The following ARHGAP39 variants were observed in gnomAD, a reference collection of about 807,000 sequenced individuals.
The protein encoded by ARHGAP39 is rho GTPase-activating protein 39.
A neutral mutation model predicts 106.9 loss-of-function variants in ARHGAP39; 44 were observed. That is an observed-to-expected ratio of 0.41 (90% confidence interval 0.32 to 0.53). The LOEUF (loss-of-function observed/expected upper bound fraction) is 0.53, where lower values mean the gene tolerates loss of function less well. Ranked by LOEUF, ARHGAP39 falls within the 20% of genes least tolerant of loss-of-function variation. ARHGAP39 has a pLI of 0.21. For missense variants in ARHGAP39, 1,496 were observed against 1,577.3 expected, an observed-to-expected ratio of 0.95 and a Z score of 0.87; for synonymous variants, 768 against 693.2, an observed-to-expected ratio of 1.11 and a Z score of -1.69.
intron 2 of ARHGAP39, among the ~76,000 whole-genome samples, chr8:144,590,650 G>A (rs1027426484): frequency 1.1e-4 from 17 of 152,168 alleles, no homozygotes; most frequent in Admixed American, 1.0e-3. Flanking sequence ...TGACACGAGT[G>A]ACTGCAAGGC....
At chr8:144,648,073 G>A (rs1355716595) in intron 1 of ARHGAP39, among the ~76,000 whole-genome samples, 1 of 152,184 alleles carries the variant, frequency 6.6e-6, no homozygotes, top group Non-Finnish European at 1.5e-5. Flanking sequence ...GGTTGGGCTG[G>A]AAAAGGGGAT....
intron 2 of ARHGAP39, among the ~76,000 whole-genome samples, chr8:144,594,748 G>C (rs1274809470): frequency 6.6e-6 from 1 of 151,616 alleles, no homozygotes; most frequent in Non-Finnish European, 1.5e-5. Flanking sequence ...CAGGTGTGGT[G>C]GTGGCAAACA....
intron 1 of ARHGAP39, among the ~76,000 whole-genome samples, chr8:144,627,338 G>C (rs1264005290): frequency 6.6e-6 from 1 of 152,102 alleles, no homozygotes; most frequent in Non-Finnish European, 1.5e-5. Flanking sequence ...GGTGGATCAC[G>C]AGGTCAGATC....
Position 144,559,225 on chromosome 8 carries a change from A to C in ARHGAP39, c.513-3582T>G, listed in dbSNP as rs1818053726. On this transcript the variant is annotated intron_variant, in intron 3 of 11. Coordinates refer to ENST00000377307, the MANE Select transcript of ARHGAP39 (RefSeq NM_025251.3). ...TCTGTCTCAAAACAAAAAACAAAAA[A>C]ACAAAAACTAGCCGGAAGGGTGACA... is the stretch of plus-strand genomic sequence containing the variant. Among the ~76,000 whole-genome samples the C allele has an allele frequency of 4.6e-5, 7 of 151,744 alleles. No homozygotes were observed. The South Asian group carries it at 1.5e-3, about 32-fold the overall frequency.
chr8:144,583,251 G>A (rs965517564), intron 2 of ARHGAP39, among the ~76,000 whole-genome samples: 1 of 152,156 alleles, frequency 6.6e-6, no homozygotes, highest in Non-Finnish European at 1.5e-5. Flanking sequence ...TGATACCACT[G>A]ATCATGTTCT....
chr8:144,535,818 C>G (rs902831202), intron 7 of ARHGAP39, among the ~76,000 whole-genome samples: 18 of 150,948 alleles, frequency 1.2e-4, no homozygotes, highest in African/African-American at 4.5e-4. Flanking sequence ...AATGCAGTCT[C>G]TCTGTGCCTC....
In ARHGAP39 at chr8:144,533,155, G is replaced by A. The variant is rs775559165; in HGVS notation, c.2859C>T (p.Leu953=). The A allele has an allele frequency of 6.2e-7, 1 of 1,608,698 alleles. No individual in the cohort carries two copies. Among genetic ancestry groups the A allele is most frequent in the East Asian group, 2.2e-5 (1 of 44,850 alleles). The change falls in exon 9 of 12, where the codon CTC becomes CTT. Residue 953 remains leucine, a synonymous_variant. Coordinates refer to ENST00000377307, the MANE Select transcript of ARHGAP39 (RefSeq NM_025251.3). The part of the protein sequence containing the change: ...QTRLSEEVLA[L]NGDQTEGIFR... ...AGATGCCCTCTGTCTGGTCACCGTT[G>A]AGCGCCAGCACCTCCTCAGAGAGCC...
intron 1 of ARHGAP39, among the ~76,000 whole-genome samples, chr8:144,672,876 G>A (rs373271150): frequency 1.3e-5 from 2 of 152,182 alleles, no homozygotes; most frequent in South Asian, 4.1e-4. Context: ...TTTAACTCAA[G>A]TCTTCTGCAC....
intron 3 of ARHGAP39, among the ~76,000 whole-genome samples, chr8:144,565,935 A>G (rs1230757342): frequency 6.6e-6 from 1 of 150,930 alleles, no homozygotes; most frequent in Admixed American, 6.6e-5. Context: ...CTACAAAAAA[A>G]AAAAAAAAAG....
Position 144,530,360 on chromosome 8 carries a change from G to T in ARHGAP39, c.*62C>A, listed in dbSNP as rs1035431875. 1.9e-5 allele frequency: 28 copies of T among 1,499,982 alleles called. No homozygotes were observed. Among genetic ancestry groups the T allele is most frequent in the East Asian group, 4.9e-5 (2 of 40,486 alleles). The allele number at this position is 1,499,982 out of a possible 1,614,324, so 92.9% of individuals were successfully genotyped here. On this transcript the variant is annotated 3_prime_UTR_variant, in exon 12 of 12. Coordinates refer to ENST00000377307, the MANE Select transcript of ARHGAP39 (RefSeq NM_025251.3). Reference sequence around the variant, plus strand: ...ATTCTGGCCCCTCTGCCGGGAGAGCGAGTGCGGAGTTCGGCCTGGCTGGGG... The same window carrying T: ...ATTCTGGCCCCTCTGCCGGGAGAGCTAGTGCGGAGTTCGGCCTGGCTGGGG...
intron 2 of ARHGAP39, among the ~76,000 whole-genome samples, chr8:144,587,450 T>C (rs1250908271): frequency 6.6e-6 from 1 of 152,062 alleles, no homozygotes; most frequent in East Asian, 1.9e-4. Context: ...GAGTGGAAAA[T>C]CTAAAATGTC....
intron 1 of ARHGAP39, among the ~76,000 whole-genome samples, chr8:144,619,595 TGA>T (rs1349443740): frequency 1.3e-5 from 2 of 149,992 alleles, no homozygotes; most frequent in Admixed American, 1.3e-4. Context: ...TGTGTGTCCC[TGA>T]GAGAGCGTGC....
intron 6 of ARHGAP39, among the ~76,000 whole-genome samples, chr8:144,543,393 G>A (rs149088923): frequency 6.6e-6 from 1 of 152,324 alleles, no homozygotes; most frequent in Non-Finnish European, 1.5e-5. Context: ...TGTGTATGTA[G>A]AGGCCTCTCT....
chr8:144,560,107 T>C (rs1337930550), intron 3 of ARHGAP39, among the ~76,000 whole-genome samples: 1 of 152,224 alleles, frequency 6.6e-6, no homozygotes, highest in East Asian at 1.9e-4. Context: ...AAAAAGGTCA[T>C]TTTAAAAATG....
At chr8:144,550,907 T>A (rs1817665878) in intron 4 of ARHGAP39, among the ~76,000 whole-genome samples, 1 of 152,252 alleles carries the variant, frequency 6.6e-6, no homozygotes, top group Non-Finnish European at 1.5e-5. Context: ...TCTGTTGCTC[T>A]GTGGCTGCAA....
At chr8:144,598,878 G>A (rs527272985) in intron 2 of ARHGAP39, among the ~76,000 whole-genome samples, 5 of 152,294 alleles carry the variant, frequency 3.3e-5, no homozygotes, top group African/African-American at 9.6e-5. Context: ...TTTACAATAA[G>A]AGCTCATGTC....
chr8:144,563,605 G>C (rs1372573550), intron 3 of ARHGAP39, among the ~76,000 whole-genome samples: 1 of 151,722 alleles, frequency 6.6e-6, no homozygotes, highest in Non-Finnish European at 1.5e-5. Context: ...TGGAAAGATA[G>C]TGAGACCTTA....
chr8:144,619,743 TG>T, intron 1 of ARHGAP39, among the ~76,000 whole-genome samples: 1 of 150,948 alleles, frequency 6.6e-6, no homozygotes, highest in East Asian at 2.0e-4. Context: ...CGTGTGAGCC[TG>T]TGTGTACCTC....
chr8:144,678,285 A>G (rs1822296572), intron 1 of ARHGAP39, among the ~76,000 whole-genome samples: 1 of 151,966 alleles, frequency 6.6e-6, no homozygotes, highest in East Asian at 1.9e-4. Context: ...AAAAAAAAAG[A>G]AAATACAAAT....
Sources: gnomAD v4.1 joint callset for allele counts (sites outside exome capture counted in the v4.1 genomes callset) on GRCh38, gnomAD v4.1.1 for gene constraint, MANE v1.5 for transcripts, NCBI Gene and HGNC (gene_info 2026-07-23, HGNC 2026-07-21) for gene names.